Variants in EPB41L3 observed in about 807,000 individuals in gnomAD.
The protein encoded by EPB41L3 is band 4.1-like protein 3.
A neutral mutation model predicts 127.1 loss-of-function variants in EPB41L3; 57 were observed. The ratio of observed to expected loss-of-function variants is 0.45; its 90% confidence interval spans 0.36 to 0.56. EPB41L3 has a LOEUF of 0.56. Among genes scored for constraint, EPB41L3 ranks in the 20% least tolerant of loss-of-function variants. EPB41L3 has a pLI of 0.00. For missense variants in EPB41L3, 1,273 were observed against 1,372.2 expected, an observed-to-expected ratio of 0.93 and a Z score of 1.14; for synonymous variants, 572 against 549.5, an observed-to-expected ratio of 1.04 and a Z score of -0.57.
intron 1 of EPB41L3, among the ~76,000 whole-genome samples, chr18:5,494,212 C>T (rs1350417223): frequency 3.3e-5 from 5 of 152,106 alleles, no homozygotes; most frequent in African/African-American, 9.7e-5. Flanking sequence ...GCCAACCCCC[C>T]AATCTGCTTG....
intron 3 of EPB41L3, among the ~76,000 whole-genome samples, chr18:5,583,289 A>G (rs1469162489): frequency 3.3e-5 from 5 of 152,082 alleles, no homozygotes; most frequent in Non-Finnish European, 1.5e-5. Flanking sequence ...TCTGCTACTC[A>G]CTGCATAGAG....
intron 1 of EPB41L3, among the ~76,000 whole-genome samples, chr18:5,533,786 A>C (rs73383761): frequency 0.018 from 2,787 of 152,324 alleles, 82 homozygotes; most frequent in African/African-American, 0.064. Flanking sequence ...TTTAATAGAT[A>C]AGAAAACTAA....
chr18:5,620,116 G>A (rs142075448), intron 1 of EPB41L3, among the ~76,000 whole-genome samples: 1 of 151,234 alleles, frequency 6.6e-6, no homozygotes, highest in Non-Finnish European at 1.5e-5. Flanking sequence ...TGAAGTGTAT[G>A]CTATGTTATC....
intron 5 of EPB41L3, among the ~76,000 whole-genome samples, chr18:5,441,956 G>A (rs2080847904): frequency 6.6e-6 from 1 of 151,962 alleles, no homozygotes; most frequent in South Asian, 2.1e-4. Context: ...CACTATAAAT[G>A]GGAAGTTAAA....
intron 3 of EPB41L3, among the ~76,000 whole-genome samples, chr18:5,594,890 C>T (rs909910410): frequency 1.5e-4 from 23 of 152,176 alleles, no homozygotes; most frequent in South Asian, 8.3e-4. Flanking sequence ...AGGAAACATA[C>T]GGAAAATAAG....
intron 3 of EPB41L3, among the ~76,000 whole-genome samples, chr18:5,586,244 G>A (rs1161698765): frequency 6.6e-6 from 1 of 151,986 alleles, no homozygotes; most frequent in Non-Finnish European, 1.5e-5. Flanking sequence ...CTATATTTTG[G>A]CATATGTCAG....
intron 3 of EPB41L3, among the ~76,000 whole-genome samples, chr18:5,550,510 T>C (rs1302973404): frequency 1.3e-5 from 2 of 152,238 alleles, no homozygotes; most frequent in African/African-American, 4.8e-5. Flanking sequence ...CATCCATATA[T>C]GTTTAGAAAT....
chr18:5,428,277 T>C (rs749880603), intron 9 of EPB41L3, 36 bp downstream of exon 9: 35 of 1,609,078 alleles, frequency 2.2e-5, no homozygotes, highest in Admixed American at 3.4e-5. Context: ...CAGGGATCTT[T>C]CCTCCCAACG....
At chr18:5,514,136 T>C (rs974028513) in intron 1 of EPB41L3, among the ~76,000 whole-genome samples, 2 of 152,216 alleles carry the variant, frequency 1.3e-5, no homozygotes, top group Non-Finnish European at 2.9e-5. Context: ...TCAACCCTTA[T>C]GCAGTGATTA....
chr18:5,461,892 C>A (rs117510463), intron 3 of EPB41L3, among the ~76,000 whole-genome samples: 1 of 151,950 alleles, frequency 6.6e-6, no homozygotes, highest in Admixed American at 6.6e-5. Context: ...ATTGGCTGGT[C>A]GATAACAAGC....
At chr18:5,420,622 C>A (rs1347721281) in intron 11 of EPB41L3, among the ~76,000 whole-genome samples, 1 of 152,180 alleles carries the variant, frequency 6.6e-6, no homozygotes, top group Non-Finnish European at 1.5e-5. Flanking sequence ...AAATGAAATT[C>A]ATGCAAATGC....
chr18:5,420,056 A>G, intron 11 of EPB41L3, 179 bp from the exon 12 acceptor site: 1 of 1,355,628 alleles, frequency 7.4e-7, no homozygotes, highest in South Asian at 1.5e-5. Context: ...TTTGCCTTGA[A>G]AAAACAAATC....
At chr18:5,499,085 C>G (rs1437164196) in intron 1 of EPB41L3, among the ~76,000 whole-genome samples, 1 of 149,964 alleles carries the variant, frequency 6.7e-6, no homozygotes. Context: ...CGCCTGAGAA[C>G]ATAAAGGAAG....
In EPB41L3 at chr18:5,416,021, G is replaced by T. The variant is rs950152813; in HGVS notation, c.1864C>A (p.Gln622Lys). 2 of 1,613,934 alleles carry T rather than the reference G, an allele frequency of 1.2e-6. No individual in the cohort carries two copies. The highest frequency in any genetic ancestry group is 1.7e-6 in the Non-Finnish European group (2 of 1,179,954). The change falls in exon 13 of 23, where the codon CAG (glutamine) becomes AAG (lysine). Residue 622 changes from glutamine (Q) to lysine (K), a missense_variant. By Grantham distance (53) the Gln-to-Lys change is moderately conservative. Transcript: ENST00000341928. ...GGTGAGCGGATCGGGAGGTAATGCT[G>T]CAAGCTCTGGGGCAGGAGGTTGGTT... ...SETNLLPQSL[Q>K]HYLPIRSPSL...
intron 3 of EPB41L3, among the ~76,000 whole-genome samples, chr18:5,569,601 A>G (rs918360329): frequency 3.3e-5 from 5 of 152,216 alleles, no homozygotes; most frequent in East Asian, 1.9e-4. Context: ...GGTGACTGAC[A>G]TAGAGGCATG....
At chr18:5,533,153 GA>G (rs533488634) in intron 1 of EPB41L3, among the ~76,000 whole-genome samples, 1 of 152,218 alleles carries the variant, frequency 6.6e-6, no homozygotes, top group South Asian at 2.1e-4. Context: ...CAATGAGGGG[GA>G]AAAAAGCCAA....
At chr18:5,581,364 T>C (rs1189122393) in intron 3 of EPB41L3, among the ~76,000 whole-genome samples, 1 of 152,166 alleles carries the variant, frequency 6.6e-6, no homozygotes, top group African/African-American at 2.4e-5. Flanking sequence ...ACCAGTGAGT[T>C]TAATTTCAGT....
intron 3 of EPB41L3, among the ~76,000 whole-genome samples, chr18:5,589,367 T>A (rs544977303): frequency 6.6e-6 from 1 of 152,194 alleles, no homozygotes; most frequent in African/African-American, 2.4e-5. Flanking sequence ...GGATGGTATT[T>A]GTTTTATAAT....
At chr18:5,578,585 G>C (rs1190891221) in intron 3 of EPB41L3, among the ~76,000 whole-genome samples, 2 of 152,126 alleles carry the variant, frequency 1.3e-5, no homozygotes, top group Non-Finnish European at 2.9e-5. Context: ...ACAGAAAAAT[G>C]ATCAAAGGAT....
Sources: allele counts gnomAD v4.1 joint callset (sites outside exome capture counted in the v4.1 genomes callset), GRCh38; gene constraint gnomAD v4.1.1; transcripts MANE v1.5; gene names NCBI Gene and HGNC (gene_info 2026-07-23, HGNC 2026-07-21).